NKAIN3: variants seen among roughly 807,000 people sequenced by gnomAD.
NKAIN3 encodes the protein sodium/potassium-transporting ATPase subunit beta-1-interacting protein 3.
A neutral mutation model predicts 30.2 loss-of-function variants in NKAIN3; 25 were observed. The ratio of observed to expected loss-of-function variants is 0.83; its 90% CI spans 0.60 to 1.16. The LOEUF (loss-of-function observed/expected upper bound fraction) is 1.16, where lower values mean the gene tolerates loss of function less well. Ranked by LOEUF, NKAIN3 falls within the 50% of genes most tolerant of loss-of-function variation. The pLI, the probability that NKAIN3 is intolerant of heterozygous loss-of-function variation, is 0.00. For missense variants in NKAIN3, 225 were observed against 254.1 expected (o/e 0.89, Z 0.78); for synonymous variants, 91 against 89.6 (o/e 1.02, Z -0.09).
At chr8:62,412,411 C>T (rs1804268581) in intron 1 of NKAIN3, among the ~76,000 whole-genome samples, 1 of 152,064 alleles carries the variant, frequency 6.6e-6, no homozygotes, top group Admixed American at 6.6e-5. Context: ...GGACCCCTAC[C>T]TTTCACTATA....
At chr8:62,913,285 T>C (rs377641078) in intron 4 of NKAIN3, among the ~76,000 whole-genome samples, 3 of 151,434 alleles carry the variant, frequency 2.0e-5, no homozygotes, top group African/African-American at 7.4e-5. Flanking sequence ...GCTATACTTT[T>C]ATATGATTGG....
intron 3 of NKAIN3, among the ~76,000 whole-genome samples, chr8:62,595,042 G>C (rs1236729390): frequency 6.6e-6 from 1 of 151,912 alleles, no homozygotes; most frequent in Non-Finnish European, 1.5e-5. Context: ...ATTCTGCTGT[G>C]TTTCCATGGT....
intron 5 of NKAIN3, among the ~76,000 whole-genome samples, chr8:62,924,007 A>G (rs1326953933): frequency 1.3e-5 from 2 of 152,190 alleles, no homozygotes; most frequent in Non-Finnish European, 2.9e-5. Context: ...GTTACCACTA[A>G]ACTCACAGTG....
intron 1 of NKAIN3, among the ~76,000 whole-genome samples, chr8:62,461,357 G>A (rs1464187691): frequency 3.3e-5 from 5 of 152,184 alleles, no homozygotes; most frequent in African/African-American, 7.2e-5. Context: ...GGGTAAGACC[G>A]TAAGTGCATT....
At chr8:62,344,168 A>T (rs1815846951) in intron 1 of NKAIN3, among the ~76,000 whole-genome samples, 1 of 151,960 alleles carries the variant, frequency 6.6e-6, no homozygotes, top group African/African-American at 2.4e-5. Flanking sequence ...ACTTTGATGG[A>T]CTCATCTGAA....
In NKAIN3 at chr8:62,974,171, T is replaced by C. The variant is rs945566018; in HGVS notation, c.*8764T>C. Among the ~76,000 whole-genome samples, 6 of 151,088 alleles carry C rather than the reference T, an allele frequency of 4.0e-5. No homozygotes were observed. The highest frequency in any genetic ancestry group is 8.8e-5 in the Non-Finnish European group (6 of 67,812). On this transcript the variant is annotated 3_prime_UTR_variant, in exon 7 of 7. Transcript: ENST00000623646. ...GGGCTCTTTTTGGTTCCCTATGAAA[T>C]TTAAAGTAGTTTTTTCTAATTCTGT...
In NKAIN3 at chr8:62,965,300, T is replaced by C. The variant is rs968839339; in HGVS notation, c.604-54T>C. 4.1e-6 allele frequency: 4 copies of C among 985,654 alleles called. No individual in the cohort carries two copies. In the African/African-American group the frequency reaches 7.0e-5, roughly 17 times the overall value. The allele number at this position is 985,654 out of a possible 1,614,324, so 61.1% of individuals were successfully genotyped here. Reference sequence around the variant, plus strand: ...AAAAGGCCTCAATGAATATAAAAGATATTTAGCTGTCAGCTTTGAAGTTCT... The same window carrying C: ...AAAAGGCCTCAATGAATATAAAAGACATTTAGCTGTCAGCTTTGAAGTTCT... On this transcript the variant is annotated intron_variant, in intron 6 of 6. Transcript: ENST00000623646.
At chr8:62,859,521 A>AAAAAAAAAAAAAAAAAAAAAAAAAAAAAT (rs67943979) in intron 4 of NKAIN3, among the ~76,000 whole-genome samples, 1 of 150,348 alleles carries the variant, frequency 6.7e-6, no homozygotes, top group East Asian at 1.9e-4. Flanking sequence ...AAAAAAAAAA[A>AAAAAAAAAAAAAAAAAAAAAAAAAAAAAT]CTTCATGGAA....
intron 4 of NKAIN3, among the ~76,000 whole-genome samples, chr8:62,871,710 C>G (rs7837139): frequency 0.044 from 6,630 of 152,218 alleles, 435 homozygotes; most frequent in African/African-American, 0.14. Context: ...GGGCATGGAA[C>G]AGTTGAAGGT....
chr8:62,287,103 C>T (rs549737802), intron 1 of NKAIN3, among the ~76,000 whole-genome samples: 1 of 149,464 alleles, frequency 6.7e-6, no homozygotes, highest in South Asian at 2.2e-4. Flanking sequence ...TTTTGCAGAC[C>T]AAATCAGGGC....
intron 3 of NKAIN3, among the ~76,000 whole-genome samples, chr8:62,741,420 A>AC (rs1815882150): frequency 7.3e-6 from 1 of 136,358 alleles, no homozygotes; most frequent in African/African-American, 3.0e-5. Flanking sequence ...GGAAGGAAGG[A>AC]AGGCAGGCAA....
At chr8:62,259,448 A>G (rs774484740) in intron 1 of NKAIN3, among the ~76,000 whole-genome samples, 5 of 152,204 alleles carry the variant, frequency 3.3e-5, no homozygotes, top group East Asian at 1.9e-4. Context: ...CATTAAAACT[A>G]ATTAGTGTTA....
chr8:62,329,711 G>A (rs925644893), intron 1 of NKAIN3, among the ~76,000 whole-genome samples: 6 of 152,060 alleles, frequency 3.9e-5, no homozygotes, highest in South Asian at 2.1e-4. Flanking sequence ...TTGTGTATAT[G>A]TACCATATTT....
chr8:62,417,644 G>C (rs965671126), intron 1 of NKAIN3, among the ~76,000 whole-genome samples: 1 of 152,102 alleles, frequency 6.6e-6, no homozygotes, highest in Non-Finnish European at 1.5e-5. Context: ...TTTATTGCCT[G>C]TTTATTGGAT....
chr8:62,607,044 G>A (rs775144647), intron 3 of NKAIN3, among the ~76,000 whole-genome samples: 16 of 152,158 alleles, frequency 1.1e-4, no homozygotes, highest in Non-Finnish European at 2.1e-4. Context: ...TGGGCATTGG[G>A]TGATCACATG....
intron 3 of NKAIN3, among the ~76,000 whole-genome samples, chr8:62,606,514 C>A (rs1017698468): frequency 6.6e-6 from 1 of 151,964 alleles, no homozygotes; most frequent in Non-Finnish European, 1.5e-5. Flanking sequence ...AAGTATGCTG[C>A]TGGAAAAAAA....
At chr8:62,991,885 G>T (rs896466377) in intron 5 of NKAIN3, among the ~76,000 whole-genome samples, 1 of 152,174 alleles carries the variant, frequency 6.6e-6, no homozygotes, top group Non-Finnish European at 1.5e-5. Context: ...TCCTTGAGTT[G>T]CAGGCATTGG....
chr8:62,326,529 G>A (rs1273161940), intron 1 of NKAIN3, among the ~76,000 whole-genome samples: 1 of 151,484 alleles, frequency 6.6e-6, no homozygotes, highest in Non-Finnish European at 1.5e-5. Context: ...TTCTACATGT[G>A]CAAAGCTCAC....
chr8:62,958,604 G>A (rs1642954547), intron 6 of NKAIN3, among the ~76,000 whole-genome samples: 1 of 152,152 alleles, frequency 6.6e-6, no homozygotes, highest in Admixed American at 6.5e-5. Context: ...GTAACACCAG[G>A]AGAAGAGGGT....
Sources: allele counts gnomAD v4.1 joint callset (sites outside exome capture counted in the v4.1 genomes callset), GRCh38; gene constraint gnomAD v4.1.1; transcripts MANE v1.5; gene names NCBI Gene and HGNC (gene_info 2026-07-23, HGNC 2026-07-21).